THSD7B: variants seen among roughly 807,000 people sequenced by gnomAD.
THSD7B encodes thrombospondin type-1 domain-containing protein 7B.
A neutral mutation model predicts 213.6 loss-of-function variants in THSD7B; 138 were observed. The observed-to-expected ratio is 0.65, with a 90% CI of 0.56 to 0.74. The LOEUF (loss-of-function observed/expected upper bound fraction) is 0.74. Ranked by LOEUF, THSD7B falls within the 30% of genes least tolerant of loss-of-function variation. THSD7B has a pLI of 0.00. For synonymous variants in THSD7B, 742 were observed against 687.0 expected (o/e 1.08, Z -1.25); for missense variants, 1,931 against 1,991.5 (o/e 0.97, Z 0.58).
At chr2:137,296,028 A>G (rs1030317207) in intron 12 of THSD7B, among the ~76,000 whole-genome samples, 9 of 152,172 alleles carry the variant, frequency 5.9e-5, no homozygotes, top group Non-Finnish European at 1.5e-5. Flanking sequence ...ACAACCTGTT[A>G]GAAGGTTAAA....
In THSD7B at chr2:137,298,400, G is replaced by T. The variant is rs151089617; in HGVS notation, c.2500+22374G>T. The stretch of plus-strand genomic sequence containing the variant: ...CAGAGCATGAAAGTTCAGAAAATTT[G>T]CAGCCTGACGATGCAGTAGAGAAGC... On this transcript the variant is annotated intron_variant, in intron 12 of 27. Transcript: ENST00000409968. 4.2e-3 allele frequency among the ~76,000 whole-genome samples: 632 copies of T among 152,262 alleles called. 5 individuals are homozygous for T. Among genetic ancestry groups the T allele is most frequent in the African/African-American group, 0.014 (598 of 41,562 alleles).
chr2:137,663,287 G>GCCCCAAACCC, intron 25 of THSD7B, 96 bp from the exon 26 acceptor site: 2 of 1,083,014 alleles, frequency 1.8e-6, no homozygotes, highest in Non-Finnish European at 2.5e-6. Flanking sequence ...TTGCCATGAT[G>GCCCCAAACCC]TATAGTGCAA....
chr2:137,025,838 CA>C (rs1239584909), intron 2 of THSD7B, among the ~76,000 whole-genome samples: 2 of 152,010 alleles, frequency 1.3e-5, no homozygotes, highest in African/African-American at 2.4e-5. Flanking sequence ...TGCACACTAC[CA>C]ATTATAATAT....
chr2:136,842,811 T>C (rs554222839), intron 1 of THSD7B, among the ~76,000 whole-genome samples: 2 of 152,322 alleles, frequency 1.3e-5, no homozygotes, highest in African/African-American at 2.4e-5. Context: ...AATAACTTAA[T>C]CTTTATAGAT....
intron 15 of THSD7B, among the ~76,000 whole-genome samples, chr2:137,497,869 T>C (rs187284065): frequency 5.1e-4 from 77 of 152,306 alleles, no homozygotes; most frequent in African/African-American, 1.8e-3. Flanking sequence ...TTGGTTTTCA[T>C]GGAGTGCTTG....
chr2:137,088,692 A>C (rs558121315), intron 3 of THSD7B, among the ~76,000 whole-genome samples: 13 of 152,260 alleles, frequency 8.5e-5, no homozygotes, highest in African/African-American at 2.6e-4. Flanking sequence ...ATAAACAGAC[A>C]ACCCACAGAG....
intron 9 of THSD7B, among the ~76,000 whole-genome samples, chr2:137,237,603 A>AC: frequency 1.3e-5 from 2 of 152,328 alleles, no homozygotes; most frequent in South Asian, 4.1e-4. Flanking sequence ...CAGCATCAGC[A>AC]CCCCAAAAGT....
chr2:137,341,224 T>C (rs1684755063), intron 12 of THSD7B, among the ~76,000 whole-genome samples: 1 of 151,846 alleles, frequency 6.6e-6, no homozygotes, highest in Non-Finnish European at 1.5e-5. Context: ...TTCATTTATA[T>C]GTTGGCCATT....
intron 2 of THSD7B, among the ~76,000 whole-genome samples, chr2:136,940,727 AAT>A (rs1553459489): frequency 1.2e-4 from 6 of 48,014 alleles, no homozygotes; most frequent in Non-Finnish European, 2.6e-4. Context: ...ATATATATAT[AAT>A]ATATATATAT....
intron 2 of THSD7B, among the ~76,000 whole-genome samples, chr2:136,995,614 G>A (rs1685870644): frequency 6.6e-6 from 1 of 152,058 alleles, no homozygotes. Context: ...AGTGTGATGT[G>A]AATCAATATC....
chr2:137,459,135 A>T (rs1056771347), intron 15 of THSD7B, among the ~76,000 whole-genome samples: 12 of 152,116 alleles, frequency 7.9e-5, no homozygotes, highest in African/African-American at 2.7e-4. Flanking sequence ...AATTAAATCC[A>T]AACCGATGGG....
intron 1 of THSD7B, among the ~76,000 whole-genome samples, chr2:136,879,230 T>A (rs541450913): frequency 1.3e-5 from 2 of 152,332 alleles, no homozygotes; most frequent in African/African-American, 4.8e-5. Flanking sequence ...TAGTTGTAGA[T>A]GTGTGGCATT....
chr2:136,902,347 A>G (rs1194635276), intron 2 of THSD7B, among the ~76,000 whole-genome samples: 1 of 152,236 alleles, frequency 6.6e-6, no homozygotes, highest in Non-Finnish European at 1.5e-5. Flanking sequence ...GGTCATTGTC[A>G]TTGTTTGGAT....
intron 4 of THSD7B, among the ~76,000 whole-genome samples, chr2:137,107,225 A>G (rs1011884646): frequency 3.9e-5 from 6 of 152,224 alleles, no homozygotes; most frequent in African/African-American, 1.4e-4. Context: ...GGATGAGTTC[A>G]TGTCCTTTGC....
At chr2:137,397,785 C>G in intron 12 of THSD7B, among the ~76,000 whole-genome samples, 1 of 150,308 alleles carries the variant, frequency 6.7e-6, no homozygotes, top group Non-Finnish European at 1.5e-5. Context: ...TCCATTCTCC[C>G]CATCACTTTC....
intron 1 of THSD7B, among the ~76,000 whole-genome samples, chr2:136,826,868 G>T (rs10928572): frequency 0.067 from 10,133 of 152,198 alleles, 556 homozygotes; most frequent in East Asian, 0.14. Flanking sequence ...ACATGGTTTA[G>T]CAATAGCATT....
At chr2:137,201,269 G>A (rs944189610) in intron 7 of THSD7B, among the ~76,000 whole-genome samples, 5 of 152,140 alleles carry the variant, frequency 3.3e-5, no homozygotes, top group South Asian at 2.1e-4. Context: ...ATTCTGGGGT[G>A]TGTGTGCATG....
chr2:136,969,767 G>T (rs1178874143), intron 2 of THSD7B, among the ~76,000 whole-genome samples: 1 of 152,120 alleles, frequency 6.6e-6, no homozygotes, highest in East Asian at 1.9e-4. Flanking sequence ...AGTATTTGGG[G>T]ATCCCAAGTC....
intron 17 of THSD7B, among the ~76,000 whole-genome samples, chr2:137,574,535 T>C (rs1251741098): frequency 6.6e-6 from 1 of 152,124 alleles, no homozygotes; most frequent in Non-Finnish European, 1.5e-5. Context: ...GAAAGCTACA[T>C]GTAACTCTTA....
Sources: gnomAD v4.1 joint callset for allele counts (sites outside exome capture counted in the v4.1 genomes callset) on GRCh38, gnomAD v4.1.1 for gene constraint, MANE v1.5 for transcripts, NCBI Gene and HGNC (gene_info 2026-07-23, HGNC 2026-07-21) for gene names.